The following GNB4 variants were observed in gnomAD, a reference collection of about 807,000 sequenced individuals.
The protein encoded by GNB4 is guanine nucleotide-binding protein subunit beta-4.
GNB4 carries 28 observed loss-of-function variants against 45.2 expected under a neutral mutation model. The ratio of observed to expected loss-of-function variants is 0.62; its 90% CI spans 0.46 to 0.85. The LOEUF is 0.85. Among genes scored for constraint, GNB4 ranks in the 40% least tolerant of loss-of-function variants. The pLI is 0.00. For synonymous variants in GNB4, 132 were observed against 143.7 expected (o/e 0.92, Z 0.58); for missense variants, 321 against 425.4 (o/e 0.75, Z 2.16).
intron 5 of GNB4, 122 bp from the exon 6 acceptor site, chr3:179,415,169 AAAT>A: frequency 2.9e-6 from 2 of 678,550 alleles, no homozygotes; most frequent in Non-Finnish European, 4.3e-6. Flanking sequence ...AAGTCAAATA[AAAT>A]AATGTAATGG....
rs982720703 is a variant in GNB4 at position 179,397,400 on chromosome 3, C to G, written c.*3813G>C. 6.6e-6 allele frequency: 1 copy of G among 152,148 alleles called. No individual in the cohort carries two copies. The highest frequency in any genetic ancestry group is 2.4e-5 in the African/African-American group (1 of 41,428). 9.4% of individuals were successfully genotyped at this position (152,148 alleles called of 1,614,324 possible). On this transcript the variant is annotated 3_prime_UTR_variant, in exon 10 of 10. Coordinates refer to ENST00000232564, the MANE Select transcript of GNB4 (RefSeq NM_021629.4). ...TCATTTTGTCACCTTAAGTCAAGAT[C>G]CATTTATCTATTAATAGGTTAAGTC...
intron 6 of GNB4, among the ~76,000 whole-genome samples, 169 bp downstream of exon 6, chr3:179,414,715 AC>A (rs1377601091): frequency 6.8e-6 from 1 of 147,350 alleles, no homozygotes; most frequent in East Asian, 2.2e-4. Context: ...ATTATGATCA[AC>A]GTTTGTATGA....
the GNB4 span, among the ~76,000 whole-genome samples, chr3:179,477,614 G>C: frequency 3.9e-5 from 6 of 152,256 alleles, no homozygotes; most frequent in African/African-American, 1.4e-4. Flanking sequence ...GCTCATGCCT[G>C]TAATCCCAGC....
At chr3:179,449,701 A>T (rs1321871234) in intron 1 of GNB4, among the ~76,000 whole-genome samples, 1 of 152,230 alleles carries the variant, frequency 6.6e-6, no homozygotes. Flanking sequence ...CAGAAGAGAT[A>T]TTTTAATAAA....
chr3:179,404,520 C>CAACAA (rs1398629086), intron 9 of GNB4, among the ~76,000 whole-genome samples: 6 of 151,524 alleles, frequency 4.0e-5, no homozygotes, highest in Admixed American at 6.6e-5. Flanking sequence ...GACCCTGTCC[C>CAACAA]AACAAAACAA....
chr3:179,432,241 C>T (rs1044996729), intron 1 of GNB4, among the ~76,000 whole-genome samples: 3 of 152,180 alleles, frequency 2.0e-5, no homozygotes, highest in African/African-American at 7.2e-5. Context: ...GCCAGACAAC[C>T]GCAACCTTTC....
the GNB4 span, among the ~76,000 whole-genome samples, chr3:179,524,483 G>A: frequency 2.0e-5 from 3 of 152,200 alleles, no homozygotes; most frequent in South Asian, 6.2e-4. Context: ...ATGTGGCTGG[G>A]TTTTGTCTCA....
chr3:179,456,928 G>A, the GNB4 span, among the ~76,000 whole-genome samples: 61 of 152,184 alleles, frequency 4.0e-4, no homozygotes, highest in Admixed American at 5.2e-4. Context: ...TTATCCATTT[G>A]GCAAATAGTT....
intron 1 of GNB4, among the ~76,000 whole-genome samples, chr3:179,428,845 A>C (rs561731062): frequency 1.3e-5 from 2 of 152,282 alleles, no homozygotes; most frequent in East Asian, 3.9e-4. Context: ...CCAAAGCCAC[A>C]CACACATACC....
At chr3:179,449,507 AG>A (rs993212942) in intron 1 of GNB4, among the ~76,000 whole-genome samples, 1 of 152,206 alleles carries the variant, frequency 6.6e-6, no homozygotes, top group Non-Finnish European at 1.5e-5. Context: ...AATATGGCTC[AG>A]GGGAAAGAAC....
intron 1 of GNB4, among the ~76,000 whole-genome samples, chr3:179,428,644 T>G (rs1466451332): frequency 2.0e-5 from 3 of 152,170 alleles, no homozygotes; most frequent in African/African-American, 7.2e-5. Context: ...CTAAAGGGCC[T>G]CGGGACTTTT....
At chr3:179,485,309 G>A in the GNB4 span, among the ~76,000 whole-genome samples, 1 of 152,094 alleles carries the variant, frequency 6.6e-6, no homozygotes, top group East Asian at 1.9e-4. Context: ...ACTGCGCCCG[G>A]CCCATGGCAA....
At chr3:179,432,922 G>C (rs1324294168) in intron 1 of GNB4, among the ~76,000 whole-genome samples, 1 of 152,138 alleles carries the variant, frequency 6.6e-6, no homozygotes, top group Non-Finnish European at 1.5e-5. Flanking sequence ...AAAGTGGAGG[G>C]GGGGTGGAAA....
chr3:179,403,965 C>CA (rs1204567403), intron 9 of GNB4, among the ~76,000 whole-genome samples: 1 of 151,880 alleles, frequency 6.6e-6, no homozygotes, highest in Non-Finnish European at 1.5e-5. Context: ...CCCCCACCCC[C>CA]AAATGTCCCT....
chr3:179,471,655 A>T, the GNB4 span, among the ~76,000 whole-genome samples: 11 of 152,188 alleles, frequency 7.2e-5, no homozygotes, highest in African/African-American at 2.7e-4. Context: ...CATTTCTCAG[A>T]ATGTATCCCT....
In GNB4 at chr3:179,416,509, C is replaced by A; in HGVS notation, c.251G>T (p.Ser84Ile). ...SQDGKLIIWD[S>I]YTTNKMHAIP... Reference sequence around the variant, plus strand: ...AAATTCTACCTTATTTGTTGTATAGCTATCCCAAATAATTAATTTTCCATC... The same window carrying A: ...AAATTCTACCTTATTTGTTGTATAGATATCCCAAATAATTAATTTTCCATC... Residue 84 changes from serine (S) to isoleucine (I), a missense_variant, in exon 5 of 10, where the codon AGC becomes ATC. By Grantham distance (142) the Ser-to-Ile change is moderately radical. Coordinates refer to ENST00000232564, the MANE Select transcript of GNB4 (RefSeq NM_021629.4). 6.3e-7 allele frequency: 1 copy of A among 1,583,212 alleles called. No homozygotes were observed.
At chr3:179,496,141 T>A in the GNB4 span, among the ~76,000 whole-genome samples, 1 of 152,268 alleles carries the variant, frequency 6.6e-6, no homozygotes, top group Middle Eastern at 3.4e-3. Context: ...ACAATTTTTT[T>A]AACAGATTCG....
At chr3:179,471,256 G>A in the GNB4 span, among the ~76,000 whole-genome samples, 17 of 151,622 alleles carry the variant, frequency 1.1e-4, no homozygotes, top group Non-Finnish European at 2.2e-4. Flanking sequence ...TAAATTTAGC[G>A]TAGCCTAAGT....
At chr3:179,426,514 G>A (rs1715150834) in intron 1 of GNB4, among the ~76,000 whole-genome samples, 1 of 152,112 alleles carries the variant, frequency 6.6e-6, no homozygotes, top group Non-Finnish European at 1.5e-5. Flanking sequence ...AATGGAGTCT[G>A]GTGAGAAATA....
Sources: allele counts gnomAD v4.1 joint callset (sites outside exome capture counted in the v4.1 genomes callset), GRCh38; gene constraint gnomAD v4.1.1; transcripts MANE v1.5; gene names NCBI Gene and HGNC (gene_info 2026-07-23, HGNC 2026-07-21).